Variants in ELP2 observed in about 807,000 individuals in gnomAD.
ELP2 encodes elongator complex protein 2.
ELP2 carries 90 observed loss-of-function variants against 119.2 expected under a neutral mutation model. The observed-to-expected ratio is 0.75, with a 90% CI of 0.64 to 0.90. ELP2 has a LOEUF of 0.90. ELP2 is among the 40% of genes least tolerant of loss of function. The pLI is 0.00. For synonymous variants in ELP2, 339 were observed against 331.0 expected (o/e 1.02, Z -0.26); for missense variants, 921 against 967.8 (o/e 0.95, Z 0.64).
At position 36,170,196 on chromosome 18, in the gene ELP2, G is replaced by A. The variant is rs751132727; in HGVS notation, c.2210G>A (p.Arg737Gln). 12 of 1,614,014 alleles carry A rather than the reference G, an allele frequency of 7.4e-6. No homozygotes were observed. Among genetic ancestry groups the A allele is most frequent in the South Asian group, 3.3e-5 (3 of 91,090 alleles). The change falls in exon 20 of 22, where the codon CGA becomes CAA. Residue 737 changes from arginine to glutamine, a missense_variant and splice_region_variant. Physicochemically the swap from Arg to Gln is conservative, Grantham distance 43. Coordinates refer to ENST00000358232, the MANE Select transcript of ELP2 (RefSeq NM_018255.4). ...SVCPVLHPSQ[R>Q]YVVAVGLECG... Reference sequence around the variant, plus strand: ...TGCCCAGTGCTCCACCCTTCTCAACGGTCAGTCTCTGTGTGGGGCTTAGTT... The same window carrying A: ...TGCCCAGTGCTCCACCCTTCTCAACAGTCAGTCTCTGTGTGGGGCTTAGTT...
rs2144713198 is a variant in ELP2 at position 36,154,817 on chromosome 18, T to A, written c.1126-33T>A. 4.3e-6 allele frequency: 7 copies of A among 1,613,294 alleles called. No homozygotes were observed. In the South Asian group the frequency reaches 7.7e-5, roughly 18 times the overall value. On this transcript the variant is annotated intron_variant, in intron 11 of 21. Transcript: ENST00000358232. Reference sequence around the variant, plus strand: ...TTACTTTGGTGGTAGTCTTTGAGTATTTTGATATGTGATATGAGCACTTCC... The same window carrying A: ...TTACTTTGGTGGTAGTCTTTGAGTAATTTGATATGTGATATGAGCACTTCC...
At chr18:36,147,698 C>T (rs1051423826) in intron 11 of ELP2, among the ~76,000 whole-genome samples, 1 of 152,176 alleles carries the variant, frequency 6.6e-6, no homozygotes, top group Non-Finnish European at 1.5e-5. Context: ...GCTGGGATTA[C>T]AGGCGTGAGC....
chr18:36,178,045 A>G lies in ELP2; in HGVS notation c.*3404A>G, dbSNP rs2091264367. 6.6e-6 allele frequency: 1 copy of G among 152,214 alleles called. No individual in the cohort carries two copies. Among genetic ancestry groups the G allele is most frequent in the Admixed American group, 6.6e-5 (1 of 15,258 alleles). The allele number at this position is 152,214 out of a possible 1,614,324, so 9.4% of individuals were successfully genotyped here. On this transcript the variant is annotated 3_prime_UTR_variant, in exon 22 of 22. Coordinates refer to ENST00000358232, the MANE Select transcript of ELP2 (RefSeq NM_018255.4). ...TTTCATTCAAATTGGAGCCAAGCTAACACAAAGCTGTTGCTGCTAGTGGGA... is the reference window on the plus strand; with the variant it reads ...TTTCATTCAAATTGGAGCCAAGCTAGCACAAAGCTGTTGCTGCTAGTGGGA...
intron 19 of ELP2, among the ~76,000 whole-genome samples, chr18:36,169,265 G>C (rs2091004657): frequency 6.6e-6 from 1 of 151,880 alleles, no homozygotes; most frequent in South Asian, 2.1e-4. Flanking sequence ...CATCCTTGAG[G>C]CATGAGCTTC....
In ELP2 at chr18:36,164,613, A is replaced by G. The variant is rs1047166609; in HGVS notation, c.1900A>G (p.Arg634Gly). The G allele has an allele frequency of 1.9e-6, 3 of 1,614,042 alleles. No homozygotes were observed. The highest frequency in any genetic ancestry group is 2.7e-5 in the African/African-American group (2 of 74,944). ...TGAGAAGTTCTTACTAGCTGTTTCC[A>G]GAGATCGAACCTGGTCATTGTGGAA... ...PNEKFLLAVS[R>G]DRTWSLWKKQ... Residue 634 changes from arginine (R) to glycine (G), a missense_variant, in exon 18 of 22, where the codon AGA (arginine) becomes GGA (glycine). By Grantham distance (125) the Arg-to-Gly change is moderately radical. Transcript: ENST00000358232.
rs746224727 is a variant in ELP2, at chr18:36,156,500, A to C, written c.1310A>C (p.His437Pro). 2.5e-6 allele frequency: 4 copies of C among 1,614,028 alleles called. No individual in the cohort carries two copies. Among genetic ancestry groups the C allele is most frequent in the Non-Finnish European group, 3.4e-6 (4 of 1,180,016 alleles). The change falls in exon 13 of 22, where the codon CAT (histidine) becomes CCT (proline). Residue 437 changes from histidine to proline, a missense_variant. Coordinates refer to ENST00000358232, the MANE Select transcript of ELP2 (RefSeq NM_018255.4). ...TWHEIARPQI[H>P]GYDLKCLAMI... ...CATGAAATTGCAAGGCCTCAGATAC[A>C]TGGGTATGACCTGAAATGTTTGGCA...
chr18:36,136,597 C>T, intron 3 of ELP2: 1 of 543,042 alleles, frequency 1.8e-6, no homozygotes, highest in South Asian at 2.3e-5. Context: ...TACTTTGTTG[C>T]CCAGGCTGGT....
At chr18:36,133,873 C>T (rs1200743975) in intron 2 of ELP2, among the ~76,000 whole-genome samples, 4 of 146,870 alleles carry the variant, frequency 2.7e-5, no homozygotes, top group Non-Finnish European at 4.5e-5. Flanking sequence ...GTGTGTGGCA[C>T]CACGCCTTTC....
chr18:36,175,040 T>A lies in ELP2; in HGVS notation c.*399T>A. On this transcript the variant is annotated 3_prime_UTR_variant, in exon 22 of 22. Transcript: ENST00000358232. The stretch of plus-strand genomic sequence containing the variant: ...ATAGCAGTAGTCCTTATTTCAGTGC[T>A]AGACCCTTTGAAATGCGATGAAAGC... The A allele has an allele frequency of 4.7e-6, 1 of 212,796 alleles. No individual in the cohort carries two copies. The highest frequency in any genetic ancestry group is 7.6e-5 in the South Asian group (1 of 13,236). The allele number at this position is 212,796 out of a possible 1,614,324, so 13.2% of individuals were successfully genotyped here.
chr18:36,143,421 C>CTTT (rs67196641), intron 8 of ELP2, among the ~76,000 whole-genome samples: 6 of 98,022 alleles, frequency 6.1e-5, no homozygotes, highest in African/African-American at 1.5e-4. Context: ...CGTGCCTGGC[C>CTTT]TTTTTTTTTT....
chr18:36,179,052 AAG>A lies in ELP2; in HGVS notation c.*4415_*4416del, dbSNP rs2091281120. 1 of 152,426 alleles carries A rather than the reference AAG, an allele frequency of 6.6e-6. No individual in the cohort carries two copies. The highest frequency in any genetic ancestry group is 1.5e-5 in the Non-Finnish European group (1 of 68,070). The allele number at this position is 152,426 out of a possible 1,614,324, so 9.4% of individuals were successfully genotyped here. A position where few individuals can be genotyped will look rare whatever the true frequency, so the allele number is the denominator to read the frequency against. On this transcript the variant is annotated 3_prime_UTR_variant, in exon 22 of 22. Transcript: ENST00000358232. Reference sequence around the variant, plus strand: ...TATTAAGGCTCTGCCATGCTTAAACAAGAGACTGGCACTCCAAGGACAATGAG... The same window carrying A: ...TATTAAGGCTCTGCCATGCTTAAACAAGACTGGCACTCCAAGGACAATGAG...
chr18:36,152,690 G>A (rs961386543), intron 11 of ELP2, among the ~76,000 whole-genome samples: 3 of 152,166 alleles, frequency 2.0e-5, no homozygotes, highest in Non-Finnish European at 4.4e-5. Flanking sequence ...GTTCCCTCAG[G>A]AATAATCTCC....
At chr18:36,163,126 T>C (rs1450346383) in intron 17 of ELP2, among the ~76,000 whole-genome samples, 1 of 152,172 alleles carries the variant, frequency 6.6e-6, no homozygotes, top group African/African-American at 2.4e-5. Flanking sequence ...ACCCATTGTT[T>C]AGCTCCTGCT....
At chr18:36,147,507 C>T (rs768545298) in intron 11 of ELP2, among the ~76,000 whole-genome samples, 2 of 151,038 alleles carry the variant, frequency 1.3e-5, no homozygotes, top group East Asian at 2.0e-4. Flanking sequence ...CTCCACCTTC[C>T]GGGTTCAAGT....
intron 2 of ELP2, among the ~76,000 whole-genome samples, chr18:36,134,488 T>C (rs1217144019): frequency 6.6e-6 from 1 of 152,210 alleles, no homozygotes; most frequent in East Asian, 1.9e-4. Context: ...CCATTGGGGT[T>C]TTTCCCCATC....
chr18:36,141,745 C>T lies in ELP2; in HGVS notation c.589-536C>T, dbSNP rs117942144. ...TCTTGTTCTGTCTCCTAGGCTGGTGCAGTGGTGAGAACATGCGTCACTGTA... is the reference window on the plus strand; with the variant it reads ...TCTTGTTCTGTCTCCTAGGCTGGTGTAGTGGTGAGAACATGCGTCACTGTA... On this transcript the variant is annotated intron_variant, in intron 6 of 21. Transcript: ENST00000358232. Among the ~76,000 whole-genome samples, 28 of 146,534 alleles carry T rather than the reference C, an allele frequency of 1.9e-4. No homozygotes were observed. The East Asian group carries it at 5.2e-3, about 27-fold the overall frequency.
chr18:36,173,214 G>T (rs936095544), intron 21 of ELP2, among the ~76,000 whole-genome samples: 2 of 152,150 alleles, frequency 1.3e-5, no homozygotes, highest in African/African-American at 4.8e-5. Context: ...AATGAAATGA[G>T]ATAACTCTAA....
At chr18:36,155,115 C>T (rs915474553) in intron 12 of ELP2, 116 bp downstream of exon 12, 22 of 826,886 alleles carry the variant, frequency 2.7e-5, no homozygotes, top group African/African-American at 6.8e-5. Context: ...CAGGTTCAAG[C>T]GATTCTCCTG....
At chr18:36,168,518 G>T (rs2090972087) in intron 19 of ELP2, among the ~76,000 whole-genome samples, 1 of 152,176 alleles carries the variant, frequency 6.6e-6, no homozygotes, top group Non-Finnish European at 1.5e-5. Flanking sequence ...TCACGTGGTG[G>T]CAGGAGAAAG....
Sources: gnomAD v4.1 joint callset for allele counts (sites outside exome capture counted in the v4.1 genomes callset) on GRCh38, gnomAD v4.1.1 for gene constraint, MANE v1.5 for transcripts, NCBI Gene and HGNC (gene_info 2026-07-23, HGNC 2026-07-21) for gene names.